Variants in ZNF562 observed in about 807,000 individuals in gnomAD.
ZNF562 encodes the protein zinc finger protein 562.
ZNF562 carries 13 observed loss-of-function variants against 17.5 expected under a neutral mutation model. That is an observed-to-expected ratio of 0.74 (90% confidence interval 0.48 to 1.18). The LOEUF is 1.18. Among genes scored for constraint, ZNF562 ranks in the 50% most tolerant of loss-of-function variants. The probability of loss-of-function intolerance (pLI) is 0.00; values close to 1 mark genes in which losing one functional copy is unlikely to be tolerated. For synonymous variants in ZNF562, 163 were observed against 165.4 expected (o/e 0.99, Z 0.11); for missense variants, 481 against 498.5 (o/e 0.96, Z 0.33).
intron 1 of ZNF562, among the ~76,000 whole-genome samples, chr19:9,670,477 G>C (rs1257647562): frequency 1.3e-5 from 2 of 151,494 alleles, no homozygotes; most frequent in Non-Finnish European, 2.9e-5. Flanking sequence ...GGTATATATA[G>C]ACAGCAGATT....
At chr19:9,663,112 A>C (rs1348176072) in intron 1 of ZNF562, among the ~76,000 whole-genome samples, 1 of 151,588 alleles carries the variant, frequency 6.6e-6, no homozygotes, top group East Asian at 2.0e-4. Context: ...ATTTGAAAAA[A>C]CAGCCAGAAC....
rs183567740 is a variant in ZNF562, at chr19:9,653,104, C to T, written c.1126G>A (p.Glu376Lys). The T allele has an allele frequency of 1.9e-6, 3 of 1,611,342 alleles. No individual in the cohort carries two copies. The highest frequency in any genetic ancestry group is 1.7e-5 in the Admixed American group (1 of 59,742). Residue 376 changes from glutamate to lysine, a missense_variant, in exon 6 of 6, where the codon GAA becomes AAA. Glu to Lys is a moderately conservative substitution (Grantham distance 56). Around this residue, in one of 2 missense-constraint regions of ZNF562, gnomAD observed 78 missense variants for 112.0 expected, o/e 0.70. Coordinates refer to ENST00000453372, the MANE Select transcript of ZNF562 (RefSeq NM_001130031.2). ...HTGEKPYQCK[E>K]CGKAFNRSST... is the part of the protein sequence containing the mutation. Reference sequence around the variant, plus strand: ...GATCTATTGAAGGCTTTCCCACATTCCTTACACTGATAGGGTTTCTCTCCA... The same window carrying T: ...GATCTATTGAAGGCTTTCCCACATTTCTTACACTGATAGGGTTTCTCTCCA...
At chr19:9,661,651 T>C (rs957436796) in intron 1 of ZNF562, among the ~76,000 whole-genome samples, 1 of 151,910 alleles carries the variant, frequency 6.6e-6, no homozygotes, top group African/African-American at 2.4e-5. Context: ...AAAAATTAGC[T>C]GGGTGTGGTG....
At position 9,656,455 on chromosome 19, in the gene ZNF562, G is replaced by C. The variant is rs1599277288; in HGVS notation, c.348+92C>G. ...ACCTGGGAGTTGGAGGTTGCGGTGA[G>C]CTGAGATGGTGCCACTGCACTTCAG... On this transcript the variant is annotated intron_variant, in intron 5 of 5. Transcript: ENST00000453372. 2.1e-5 allele frequency: 29 copies of C among 1,407,006 alleles called. 1 individual carries two copies. In the East Asian group the frequency reaches 3.2e-4, roughly 16 times the overall value. 87.2% of individuals were successfully genotyped at this position (1,407,006 alleles called of 1,614,324 possible).
At position 9,646,308 on chromosome 19, in the gene ZNF562, TG is replaced by T. The variant is rs2074806083; in HGVS notation, c.*6640del. 1 of 152,128 alleles carries T rather than the reference TG, an allele frequency of 6.6e-6. No individual in the cohort carries two copies. Among genetic ancestry groups the T allele is most frequent in the South Asian group, 2.1e-4 (1 of 4,818 alleles). 9.4% of individuals were successfully genotyped at this position (152,128 alleles called of 1,614,324 possible). On this transcript the variant is annotated 3_prime_UTR_variant, in exon 6 of 6. Transcript: ENST00000453372. ...CTGGTCTCGAACTCCCGACCTCAGGTGATCACCTGCCTTGGCCTCCCAAAGT... is the reference window on the plus strand; with the variant it reads ...CTGGTCTCGAACTCCCGACCTCAGGTATCACCTGCCTTGGCCTCCCAAAGT...
chr19:9,672,434 T>C (rs2044229676), intron 1 of ZNF562, among the ~76,000 whole-genome samples: 1 of 152,146 alleles, frequency 6.6e-6, no homozygotes, highest in African/African-American at 2.4e-5. Context: ...CACTGTAAGA[T>C]TTACATGAGG....
intron 5 of ZNF562, among the ~76,000 whole-genome samples, chr19:9,655,456 G>C (rs2043432808): frequency 6.6e-6 from 1 of 152,086 alleles, no homozygotes; most frequent in African/African-American, 2.4e-5. Flanking sequence ...CAAGGGTGCA[G>C]GCTACTTCTC....
chr19:9,648,411 T>A lies in ZNF562; in HGVS notation c.*4538A>T, dbSNP rs1323966736. Reference sequence around the variant, plus strand: ...TCCACCTCCCAGGTTCAAGTGATTCTCCTGCTTCAGCCTCCCAAGTAGCTG... The same window carrying A: ...TCCACCTCCCAGGTTCAAGTGATTCACCTGCTTCAGCCTCCCAAGTAGCTG... On this transcript the variant is annotated 3_prime_UTR_variant, in exon 6 of 6. Coordinates refer to ENST00000453372, the MANE Select transcript of ZNF562 (RefSeq NM_001130031.2). 1 of 152,222 alleles carries A rather than the reference T, an allele frequency of 6.6e-6. No homozygotes were observed. The highest frequency in any genetic ancestry group is 1.5e-5 in the Non-Finnish European group (1 of 68,070). The allele number at this position is 152,222 out of a possible 1,614,324, so 9.4% of individuals were successfully genotyped here.
At chr19:9,666,242 G>A (rs1224239833) in intron 1 of ZNF562, among the ~76,000 whole-genome samples, 1 of 150,354 alleles carries the variant, frequency 6.7e-6, no homozygotes, top group African/African-American at 2.5e-5. Context: ...AGAATCGCTT[G>A]AATCCGGGAA....
At chr19:9,655,729 T>C (rs1181280091) in intron 5 of ZNF562, among the ~76,000 whole-genome samples, 43 of 109,036 alleles carry the variant, frequency 3.9e-4, no homozygotes, top group African/African-American at 1.3e-3. Flanking sequence ...TTTTTTTTTT[T>C]TTTTTTTTTT....
At chr19:9,663,274 G>A (rs2043825452) in intron 1 of ZNF562, among the ~76,000 whole-genome samples, 5 of 147,208 alleles carry the variant, frequency 3.4e-5, no homozygotes, top group Admixed American at 6.7e-5. Flanking sequence ...TGCCAGGCAT[G>A]GTGGCAGGCG....
At position 9,650,954 on chromosome 19, in the gene ZNF562, C is replaced by CAAAAAAAAAAAAAAAAAAAAA. The variant is rs74178208; in HGVS notation, c.*1974_*1994dup. Reference sequence around the variant, plus strand: ...GGGCAACAAGAGCAAAACTCCATCTCAAAAAAAAAAAAAAAAAAAAAAAAA... The same window carrying CAAAAAAAAAAAAAAAAAAAAA: ...GGGCAACAAGAGCAAAACTCCATCTCAAAAAAAAAAAAAAAAAAAAAAAAAAAAAAAAAAAAAAAAAAAAAA... On this transcript the variant is annotated 3_prime_UTR_variant, in exon 6 of 6. Transcript: ENST00000453372. The CAAAAAAAAAAAAAAAAAAAAA allele has an allele frequency of 6.5e-5, 3 of 46,312 alleles. No homozygotes were observed. Among genetic ancestry groups the CAAAAAAAAAAAAAAAAAAAAA allele is most frequent in the African/African-American group, 6.2e-5 (1 of 16,046 alleles). 2.9% of individuals were successfully genotyped at this position (46,312 alleles called of 1,614,324 possible).
chr19:9,672,150 G>A lies in ZNF562; in HGVS notation c.-131+2865C>T, dbSNP rs1423266824. Among the ~76,000 whole-genome samples the A allele has an allele frequency of 7.9e-5, 12 of 152,190 alleles. 1 individual carries two copies. The South Asian group carries it at 2.3e-3, about 29-fold the overall frequency. ...TAATGGACAGTAATAACTGTTATAG[G>A]CAAAAAGACACTGAAGACACTGACA... is the stretch of plus-strand genomic sequence containing the variant. On this transcript the variant is annotated intron_variant, in intron 1 of 5. Coordinates refer to ENST00000453372, the MANE Select transcript of ZNF562 (RefSeq NM_001130031.2).
At chr19:9,673,747 T>C (rs1012625629) in intron 1 of ZNF562, among the ~76,000 whole-genome samples, 1 of 152,116 alleles carries the variant, frequency 6.6e-6, no homozygotes, top group Non-Finnish European at 1.5e-5. Context: ...GTTTTTTCCA[T>C]CTGAATGTAA....
chr19:9,654,566 G>T (rs945502928), intron 5 of ZNF562, among the ~76,000 whole-genome samples: 2 of 151,988 alleles, frequency 1.3e-5, no homozygotes, highest in African/African-American at 4.8e-5. Context: ...GGTTCAAGCG[G>T]TTCTTCTGCC....
chr19:9,656,574 C>G lies in ZNF562; in HGVS notation c.321G>C (p.Lys107Asn). The change falls in exon 5 of 6, where the codon AAG (lysine) becomes AAC (asparagine). Residue 107 changes from lysine to asparagine, a missense_variant. This residue lies in a region of ZNF562 where 403 missense variants were observed against 386.4 expected (regional missense o/e 1.04). Coordinates refer to ENST00000453372, the MANE Select transcript of ZNF562 (RefSeq NM_001130031.2). ...TTTGTATCCCAGTGAATATTTGATT[C>G]TTCAAAAAACCCTGCTGAAGTGATG... ...KRSSLQQGFL[K>N]NQIFTGIQMQ... is the part of the protein sequence containing the mutation. 1 of 1,613,870 alleles carries G rather than the reference C, an allele frequency of 6.2e-7. No homozygotes were observed. The highest frequency in any genetic ancestry group is 8.5e-7 in the Non-Finnish European group (1 of 1,179,944).
At chr19:9,658,853 C>A (rs2043619359) in intron 3 of ZNF562, among the ~76,000 whole-genome samples, 1 of 152,090 alleles carries the variant, frequency 6.6e-6, no homozygotes, top group African/African-American at 2.4e-5. Flanking sequence ...GCCACCCAGG[C>A]ACAATCGCTG....
chr19:9,642,273 T>G lies in ZNF562; in HGVS notation c.*10676A>C, dbSNP rs2074777009. 1 of 148,496 alleles carries G rather than the reference T, an allele frequency of 6.7e-6. No homozygotes were observed. Among genetic ancestry groups the G allele is most frequent in the Admixed American group, 6.7e-5 (1 of 14,990 alleles). 9.2% of individuals were successfully genotyped at this position (148,496 alleles called of 1,614,324 possible). Reference sequence around the variant, plus strand: ...TACAGTTCTGATGTTTAAAATTACATTCTTTTTTTTCTTTAAAAAAAAAAA... The same window carrying G: ...TACAGTTCTGATGTTTAAAATTACAGTCTTTTTTTTCTTTAAAAAAAAAAA... On this transcript the variant is annotated 3_prime_UTR_variant, in exon 6 of 6. Coordinates refer to ENST00000453372, the MANE Select transcript of ZNF562 (RefSeq NM_001130031.2).
At chr19:9,672,750 A>G (rs2044241992) in intron 1 of ZNF562, among the ~76,000 whole-genome samples, 1 of 151,360 alleles carries the variant, frequency 6.6e-6, no homozygotes, top group Non-Finnish European at 1.5e-5. Flanking sequence ...CTTCAGATGA[A>G]GAGAATAGTT....
Sources: gnomAD v4.1 joint callset for allele counts (sites outside exome capture counted in the v4.1 genomes callset) on GRCh38, gnomAD v4.1.1 for gene constraint, gnomAD v4.1.1 regional missense constraint, MANE v1.5 for transcripts, NCBI Gene and HGNC (gene_info 2026-07-23, HGNC 2026-07-21) for gene names.